Variants in WDR49 observed in about 807,000 individuals in gnomAD.
WDR49 encodes cilia- and flagella-associated protein 337.
A neutral mutation model predicts 119.5 loss-of-function variants in WDR49; 107 were observed. The ratio of observed to expected loss-of-function variants is 0.90; its 90% confidence interval spans 0.77 to 1.05. The LOEUF (loss-of-function observed/expected upper bound fraction) is 1.05, where lower values mean the gene tolerates loss of function less well. WDR49 is among the 50% of genes least tolerant of loss of function. WDR49 has a pLI of 0.00. For synonymous variants in WDR49, 425 were observed against 418.8 expected (o/e 1.01, Z -0.18); for missense variants, 1,240 against 1,220.5 (o/e 1.02, Z -0.24).
intron 7 of WDR49, among the ~76,000 whole-genome samples, chr3:167,578,356 T>A (rs115654980): frequency 8.7e-4 from 132 of 152,278 alleles, no homozygotes; most frequent in African/African-American, 2.9e-3. Flanking sequence ...CTAGTCCCAA[T>A]CCTTAGAGAT....
intron 7 of WDR49, among the ~76,000 whole-genome samples, chr3:167,580,380 T>A (rs1203667215): frequency 6.6e-6 from 1 of 152,192 alleles, no homozygotes; most frequent in East Asian, 1.9e-4. Flanking sequence ...TCCCTGCCAG[T>A]GGTTCTTAAA....
At chr3:167,493,496 C>T (rs1751230527) in intron 18 of WDR49, among the ~76,000 whole-genome samples, 1 of 152,152 alleles carries the variant, frequency 6.6e-6, no homozygotes, top group African/African-American at 2.4e-5. Flanking sequence ...CCACGTACAG[C>T]ATCTCCGTGG....
chr3:167,535,637 T>G (rs372865365), intron 11 of WDR49, among the ~76,000 whole-genome samples: 10 of 152,192 alleles, frequency 6.6e-5, no homozygotes, highest in African/African-American at 2.4e-4. Context: ...AACACTTACA[T>G]ATGGCTGGTG....
chr3:167,628,441 TAGAC>T (rs1284652397), intron 2 of WDR49, among the ~76,000 whole-genome samples: 5 of 152,214 alleles, frequency 3.3e-5, no homozygotes, highest in East Asian at 3.9e-4. Context: ...ATATGAAAGT[TAGAC>T]AGCCTTACTG....
chr3:167,527,193 G>T (rs193107174), intron 15 of WDR49, among the ~76,000 whole-genome samples: 44 of 152,206 alleles, frequency 2.9e-4, no homozygotes, highest in African/African-American at 1.0e-3. Context: ...GCTTCTGTGA[G>T]CTCAGGTGAT....
At chr3:167,623,829 A>T (rs1301536146) in intron 3 of WDR49, among the ~76,000 whole-genome samples, 2 of 152,016 alleles carry the variant, frequency 1.3e-5, no homozygotes, top group African/African-American at 2.4e-5. Context: ...ACTCAAAAAC[A>T]CTACAGAACT....
At chr3:167,562,854 CGAT>C (rs1327845224) in intron 8 of WDR49, among the ~76,000 whole-genome samples, 2 of 152,176 alleles carry the variant, frequency 1.3e-5, no homozygotes, top group Non-Finnish European at 2.9e-5. Flanking sequence ...ACCATTGTTA[CGAT>C]GTTTAAACAA....
chr3:167,521,641 T>C (rs1336949290), intron 16 of WDR49, among the ~76,000 whole-genome samples: 2 of 152,170 alleles, frequency 1.3e-5, no homozygotes, highest in East Asian at 3.8e-4. Flanking sequence ...AAAATATTTT[T>C]ATTATTCTCC....
intron 8 of WDR49, among the ~76,000 whole-genome samples, chr3:167,570,809 AG>A (rs1258806699): frequency 6.6e-6 from 1 of 152,170 alleles, no homozygotes; most frequent in Non-Finnish European, 1.5e-5. Context: ...AAGCCAAGGC[AG>A]GTGGATCACG....
chr3:167,502,830 C>CAG (rs1278925364), intron 17 of WDR49, among the ~76,000 whole-genome samples: 1 of 152,102 alleles, frequency 6.6e-6, no homozygotes, highest in Non-Finnish European at 1.5e-5. Context: ...AAAGAAAAAG[C>CAG]AGAGTATAAA....
intron 7 of WDR49, among the ~76,000 whole-genome samples, chr3:167,596,456 A>G (rs1715447379): frequency 1.3e-5 from 2 of 151,736 alleles, no homozygotes; most frequent in Admixed American, 1.3e-4. Context: ...AATAGCAAAG[A>G]CTTGGAACCA....
chr3:167,486,551 T>C (rs1043902920), intron 18 of WDR49, among the ~76,000 whole-genome samples: 2 of 152,002 alleles, frequency 1.3e-5, no homozygotes, highest in Non-Finnish European at 1.5e-5. Context: ...AGTAAAGAAA[T>C]AGACAAAGTT....
chr3:167,577,193 T>C (rs918294167), intron 7 of WDR49, among the ~76,000 whole-genome samples: 6 of 152,168 alleles, frequency 3.9e-5, no homozygotes, highest in African/African-American at 7.2e-5. Flanking sequence ...TATTTTCTCA[T>C]GGCTCCCTTC....
intron 8 of WDR49, chr3:167,575,329 T>A: frequency 1.0e-6 from 1 of 978,382 alleles, no homozygotes; most frequent in Non-Finnish European, 1.2e-6. Context: ...GGAGCCCTGC[T>A]TCTTCATTGA....
intron 16 of WDR49, among the ~76,000 whole-genome samples, chr3:167,520,516 T>C (rs192362162): frequency 2.9e-4 from 44 of 152,278 alleles, no homozygotes; most frequent in African/African-American, 1.0e-3. Context: ...GGATTGCTCA[T>C]GCTAGATTTC....
intron 8 of WDR49, among the ~76,000 whole-genome samples, chr3:167,571,613 A>G (rs1310231495): frequency 6.6e-6 from 1 of 152,212 alleles, no homozygotes; most frequent in African/African-American, 2.4e-5. Context: ...AAGTAGTTCT[A>G]CATTTAGCCT....
intron 8 of WDR49, among the ~76,000 whole-genome samples, chr3:167,574,926 C>T (rs1714150858): frequency 6.6e-6 from 1 of 152,108 alleles, no homozygotes; most frequent in Non-Finnish European, 1.5e-5. Flanking sequence ...GAGTTGTTTT[C>T]TAAATGATTT....
intron 5 of WDR49, among the ~76,000 whole-genome samples, chr3:167,613,585 TC>T (rs990254047): frequency 6.6e-6 from 1 of 152,186 alleles, no homozygotes; most frequent in African/African-American, 2.4e-5. Context: ...TTAGTCCCTA[TC>T]AATTATAAAG....
At chr3:167,542,821 C>CA (rs574443346) in intron 10 of WDR49, among the ~76,000 whole-genome samples, 14 of 150,910 alleles carry the variant, frequency 9.3e-5, no homozygotes, top group South Asian at 8.4e-4. Flanking sequence ...GAAACAACAA[C>CA]AAAAAAAATG....
Sources: allele counts gnomAD v4.1 joint callset (sites outside exome capture counted in the v4.1 genomes callset), GRCh38; gene constraint gnomAD v4.1.1; transcripts MANE v1.5; gene names NCBI Gene and HGNC (gene_info 2026-07-23, HGNC 2026-07-21).